Variants in DSEL observed in about 807,000 individuals in gnomAD.
DSEL encodes dermatan-sulfate epimerase-like protein.
A neutral mutation model predicts 96.6 loss-of-function variants in DSEL; 61 were observed. The ratio of observed to expected loss-of-function variants is 0.63; its 90% CI spans 0.51 to 0.78. The LOEUF (loss-of-function observed/expected upper bound fraction) is 0.78. Among genes scored for constraint, DSEL ranks in the 30% least tolerant of loss-of-function variants. The pLI, the probability that DSEL is intolerant of heterozygous loss-of-function variation, is 0.00. For missense variants in DSEL, 1,320 were observed against 1,430.8 expected, an observed-to-expected ratio of 0.92 and a Z score of 1.25; for synonymous variants, 514 against 502.0, an observed-to-expected ratio of 1.02 and a Z score of -0.32.
chr18:67,512,224 A>C lies in DSEL; in HGVS notation c.2385T>G (p.Leu795=), dbSNP rs1374130220. Residue 795 remains leucine (L), a synonymous_variant, in exon 2 of 2, where the codon CTT becomes CTG. Transcript: ENST00000310045. ...VILTFQWRFY[L]SFRKLMRWIL... ...TCCATCGCATTAGTTTTCTAAAAGA[A>C]AGGTAAAAACGCCATTGGAAAGTTA... 1.1e-5 allele frequency: 17 copies of C among 1,614,174 alleles called. No individual in the cohort carries two copies. Among genetic ancestry groups the C allele is most frequent in the Non-Finnish European group, 1.4e-5 (17 of 1,180,034 alleles).
Position 67,511,981 on chromosome 18 carries a change from A to G in DSEL, c.2628T>C (p.Ser876=), listed in dbSNP as rs1222224625. 2.5e-6 allele frequency: 4 copies of G among 1,614,124 alleles called. No individual in the cohort carries two copies. The highest frequency in any genetic ancestry group is 1.6e-4 in the Middle Eastern group (1 of 6,062). Residue 876 remains serine (S), a synonymous_variant, in exon 2 of 2, where the codon AGT becomes AGC. Transcript: ENST00000310045. The part of the protein sequence containing the change: ...EILKQLFFNS[S]DFLYIRVPTA... ...TAGGAACCCTGATGTAGAGAAAATC[A>G]CTACTGTTGAAAAAAAGTTGTTTGA...
At position 67,514,920 on chromosome 18, in the gene DSEL, G is replaced by A; in HGVS notation, c.-312C>T. The A allele has an allele frequency of 2.7e-6, 1 of 376,662 alleles. No individual in the cohort carries two copies. 23.3% of individuals were successfully genotyped at this position (376,662 alleles called of 1,614,324 possible). ...ACAGGTAAAAAACACTATGAATTTA[G>A]CATTTACCTCCTTTACTTAAATCTA... On this transcript the variant is annotated 5_prime_UTR_variant, in exon 2 of 2. Transcript: ENST00000310045.
In DSEL at chr18:67,509,018, G is replaced by C. The variant is rs2144044604; in HGVS notation, c.*1952C>G. Reference sequence around the variant, plus strand: ...CGAAGTGCTGGGATTACAGGCGTGAGCCACTGCACCCGGCCGCCAACAGGT... The same window carrying C: ...CGAAGTGCTGGGATTACAGGCGTGACCCACTGCACCCGGCCGCCAACAGGT... On this transcript the variant is annotated 3_prime_UTR_variant, in exon 2 of 2. Transcript: ENST00000310045. 1 of 152,484 alleles carries C rather than the reference G, an allele frequency of 6.6e-6. No individual in the cohort carries two copies. The highest frequency in any genetic ancestry group is 2.1e-4 in the South Asian group (1 of 4,818). The allele number at this position is 152,484 out of a possible 1,614,324, so 9.4% of individuals were successfully genotyped here. A position where few individuals can be genotyped will look rare whatever the true frequency, so the allele number is the denominator to read the frequency against.
Position 67,507,760 on chromosome 18 carries a change from A to G in DSEL, c.*3210T>C, listed in dbSNP as rs1039833849. 1 of 152,212 alleles carries G rather than the reference A, an allele frequency of 6.6e-6. No homozygotes were observed. Among genetic ancestry groups the G allele is most frequent in the African/African-American group, 2.4e-5 (1 of 41,470 alleles). The allele number at this position is 152,212 out of a possible 1,614,324, so 9.4% of individuals were successfully genotyped here. A position where few individuals can be genotyped will look rare whatever the true frequency, so the allele number is the denominator to read the frequency against. Reference sequence around the variant, plus strand: ...TATGTAAAAGGACAATCAAATGTCTAATATTTTGGTGTCCACACCTAAACG... The same window carrying G: ...TATGTAAAAGGACAATCAAATGTCTGATATTTTGGTGTCCACACCTAAACG... On this transcript the variant is annotated 3_prime_UTR_variant, in exon 2 of 2. Coordinates refer to ENST00000310045, the MANE Select transcript of DSEL (RefSeq NM_032160.3).
chr18:67,513,750 C>T lies in DSEL; in HGVS notation c.859G>A (p.Val287Ile), dbSNP rs150905757. Residue 287 changes from valine (V) to isoleucine (I), a missense_variant, in exon 2 of 2, where the codon GTC (valine) becomes ATC (isoleucine). Around this residue, in one of 3 missense-constraint regions of DSEL, gnomAD observed 11 missense variants for 31.2 expected, o/e 0.35. Coordinates refer to ENST00000310045, the MANE Select transcript of DSEL (RefSeq NM_032160.3). ...TGGGCCAGAAAAACATACTGTGTGA[C>T]GGATTTAGCTGTGTAGCTTCCATAG... ...VAYGSYTAKSVTQYVFLAQRH... is the reference protein window; with the variant it reads ...VAYGSYTAKSITQYVFLAQRH... The T allele has an allele frequency of 1.4e-3, 2,195 of 1,614,172 alleles. 3 individuals are homozygous for T. Among genetic ancestry groups the T allele is most frequent in the Non-Finnish European group, 1.8e-3 (2,081 of 1,180,046 alleles).
chr18:67,515,617 T>C (rs775468364), intron 1 of DSEL, 125 bp from the exon 2 acceptor site: 3 of 153,110 alleles, frequency 2.0e-5, no homozygotes, highest in Non-Finnish European at 4.4e-5. Flanking sequence ...TAAAATCTCA[T>C]ATTATCTGCA....
At position 67,511,945 on chromosome 18, in the gene DSEL, A is replaced by C; in HGVS notation, c.2664T>G (p.Ile888Met). ...TTTCCAACTCAGTTTCAGGAATATC[A>C]ATGTAGGCTGTAGGAACCCTGATGT... The part of the protein sequence containing the change: ...FLYIRVPTAY[I>M]DIPETELEID... The change falls in exon 2 of 2, where the codon ATT becomes ATG. Residue 888 changes from isoleucine to methionine, a missense_variant. Physicochemically the swap from Ile to Met is conservative, Grantham distance 10 (BLOSUM62 1). Around this residue, in one of 3 missense-constraint regions of DSEL, gnomAD observed 986 missense variants for 1,066.4 expected, o/e 0.92. Coordinates refer to ENST00000310045, the MANE Select transcript of DSEL (RefSeq NM_032160.3). 1 of 1,614,200 alleles carries C rather than the reference A, an allele frequency of 6.2e-7. No homozygotes were observed. Among genetic ancestry groups the C allele is most frequent in the Non-Finnish European group, 8.5e-7 (1 of 1,180,028 alleles).
rs763070443 is a variant in DSEL at position 67,512,684 on chromosome 18, T to C, written c.1925A>G (p.Asn642Ser). The part of the protein sequence containing the change: ...YKMFWFDHHG[N>S]SPMASIQEAE... Reference sequence around the variant, plus strand: ...TTCCTGTATACTGGCCATGGGACTATTGCCATGATGATCAAACCAAAACAT... The same window carrying C: ...TTCCTGTATACTGGCCATGGGACTACTGCCATGATGATCAAACCAAAACAT... Residue 642 changes from asparagine (N) to serine (S), a missense_variant, in exon 2 of 2, where the codon AAT becomes AGT. Transcript: ENST00000310045. 3.5e-5 allele frequency: 56 copies of C among 1,614,074 alleles called. No homozygotes were observed. The highest frequency in any genetic ancestry group is 1.2e-4 in the South Asian group (11 of 91,084).
In DSEL at chr18:67,514,342, A is replaced by T; in HGVS notation, c.267T>A (p.Ala89=). 1 of 1,614,246 alleles carries T rather than the reference A, an allele frequency of 6.2e-7. No homozygotes were observed. The highest frequency in any genetic ancestry group is 8.5e-7 in the Non-Finnish European group (1 of 1,180,038). The change falls in exon 2 of 2, where the codon GCT becomes GCA. Residue 89 remains alanine (A), a synonymous_variant. Coordinates refer to ENST00000310045, the MANE Select transcript of DSEL (RefSeq NM_032160.3). ...SRASHLHLFR[A]IRSAVTVMLS... is the part of the protein sequence containing the mutation. Reference sequence around the variant, plus strand: ...GCATAACTGTCACTGCACTTCTGATAGCTCTAAAAAGATGCAAATGGCTTG... The same window carrying T: ...GCATAACTGTCACTGCACTTCTGATTGCTCTAAAAAGATGCAAATGGCTTG...
rs2089441900 is a variant in DSEL, at chr18:67,511,476, T to A, written c.3133A>T (p.Lys1045Ter). 1 of 1,611,286 alleles carries A rather than the reference T, an allele frequency of 6.2e-7. No individual in the cohort carries two copies. Among genetic ancestry groups the A allele is most frequent in the Non-Finnish European group, 8.5e-7 (1 of 1,180,016 alleles). The change falls in exon 2 of 2, where the codon AAA becomes TAA. Residue 1045 changes from lysine to a stop codon, truncating the protein, a stop_gained. Coordinates refer to ENST00000310045, the MANE Select transcript of DSEL (RefSeq NM_032160.3). LOFTEE classifies it high-confidence loss of function. ...TTCTTCAAAGAATAAAGACTTGGTT[T>A]ACTATTGTACAACATTGAATAAATC... ...AWIYSMLYNS[K>*]PSLYSLKNVP...
rs961764690 is a variant in DSEL at position 67,516,601 on chromosome 18, G to T, written c.-1125C>A. On this transcript the variant is annotated 5_prime_UTR_variant, in exon 1 of 2. Coordinates refer to ENST00000310045, the MANE Select transcript of DSEL (RefSeq NM_032160.3). The surrounding 1 kb of genome is among the most constrained non-coding windows in gnomAD (Gnocchi z 5.6). ...CCTCAGGAAACGCCGGACGCTTGTG[G>T]GGGCAACCACGGACCGCAGGACAGA... 2 of 152,286 alleles carry T rather than the reference G, an allele frequency of 1.3e-5. No homozygotes were observed. The highest frequency in any genetic ancestry group is 4.8e-5 in the African/African-American group (2 of 41,420). The allele number at this position is 152,286 out of a possible 1,614,324, so 9.4% of individuals were successfully genotyped here. A position where few individuals can be genotyped will look rare whatever the true frequency, so the allele number is the denominator to read the frequency against.
Position 67,512,849 on chromosome 18 carries a change from A to G in DSEL, c.1760T>C (p.Ile587Thr). 2 of 1,614,118 alleles carry G rather than the reference A, an allele frequency of 1.2e-6. No individual in the cohort carries two copies. Among genetic ancestry groups the G allele is most frequent in the Non-Finnish European group, 1.7e-6 (2 of 1,180,032 alleles). The change falls in exon 2 of 2, where the codon ATT becomes ACT. Residue 587 changes from isoleucine (I) to threonine (T), a missense_variant. Physicochemically the swap from Ile to Thr is moderately conservative, Grantham distance 89 (BLOSUM62 -1). Coordinates refer to ENST00000310045, the MANE Select transcript of DSEL (RefSeq NM_032160.3). ...TATTGGGGAATCTTCTTGCCTCTCA[A>G]TATGATCAACAACTAGCAGAGTTTG... ...NSQTLLVVDH[I>T]ERQEDSPINS...
At position 67,513,255 on chromosome 18, in the gene DSEL, G is replaced by T; in HGVS notation, c.1354C>A (p.Gln452Lys). Residue 452 changes from glutamine to lysine, a missense_variant, in exon 2 of 2, where the codon CAG becomes AAG. Physicochemically the swap from Gln to Lys is moderately conservative, Grantham distance 53. This residue lies in a region of DSEL where 986 missense variants were observed against 1,066.4 expected (regional missense o/e 0.92). Transcript: ENST00000310045. ...CACCCATCAATCCAGGAATATGGCT[G>T]AAAATGAACTATGTCATACACAGCT... is the stretch of plus-strand genomic sequence containing the variant. ...GRAVYDIVHF[Q>K]PYSWIDGWRS... 1 of 1,614,178 alleles carries T rather than the reference G, an allele frequency of 6.2e-7. No individual in the cohort carries two copies. The highest frequency in any genetic ancestry group is 8.5e-7 in the Non-Finnish European group (1 of 1,180,032).
At position 67,514,900 on chromosome 18, in the gene DSEL, TA is replaced by T. The variant is rs1171897563; in HGVS notation, c.-293del. 2.4e-6 allele frequency: 1 copy of T among 412,008 alleles called. No individual in the cohort carries two copies. The highest frequency in any genetic ancestry group is 4.4e-6 in the Non-Finnish European group (1 of 224,740). The allele number at this position is 412,008 out of a possible 1,614,324, so 25.5% of individuals were successfully genotyped here. Reference sequence around the variant, plus strand: ...ATAATACACAGGGAAGTGATACAGGTAAAAAACACTATGAATTTAGCATTTA... The same window carrying T: ...ATAATACACAGGGAAGTGATACAGGTAAAAACACTATGAATTTAGCATTTA... On this transcript the variant is annotated 5_prime_UTR_variant, in exon 2 of 2. Transcript: ENST00000310045.
rs745481362 is a variant in DSEL at position 67,513,917 on chromosome 18, GC to G, written c.691del (p.Ala231HisfsTer8). Reference sequence around the variant, plus strand: ...AGTCACCAAGGCCCCTGTGAGTAATGCTATCATATTAGTGGCTTGGTGGTTA... The same window carrying G: ...AGTCACCAAGGCCCCTGTGAGTAATGTATCATATTAGTGGCTTGGTGGTTA... ...LHNHQATNMI[A>X]LLTGALVTGV... On this transcript the variant is annotated frameshift_variant, in exon 2 of 2. Coordinates refer to ENST00000310045, the MANE Select transcript of DSEL (RefSeq NM_032160.3). LOFTEE classifies it high-confidence loss of function. The G allele has an allele frequency of 1.3e-5, 21 of 1,614,042 alleles. No individual in the cohort carries two copies. Among genetic ancestry groups the G allele is most frequent in the Non-Finnish European group, 1.8e-5 (21 of 1,180,026 alleles).
chr18:67,512,400 C>T lies in DSEL; in HGVS notation c.2209G>A (p.Ala737Thr). The T allele has an allele frequency of 6.2e-7, 1 of 1,614,168 alleles. No individual in the cohort carries two copies. Among genetic ancestry groups the T allele is most frequent in the Non-Finnish European group, 8.5e-7 (1 of 1,180,032 alleles). ...ATTTGGCCTTGATCAGCCACACTGGCAAAGCCACCGAATCCCAGATAATTG... is the reference window on the plus strand; with the variant it reads ...ATTTGGCCTTGATCAGCCACACTGGTAAAGCCACCGAATCCCAGATAATTG... ...RFNYLGFGGF[A>T]SVADQGQITR... The change falls in exon 2 of 2, where the codon GCC becomes ACC. Residue 737 changes from alanine to threonine, a missense_variant. Ala to Thr is a moderately conservative substitution (Grantham distance 58). Coordinates refer to ENST00000310045, the MANE Select transcript of DSEL (RefSeq NM_032160.3).
rs1349008611 is a variant in DSEL, at chr18:67,515,217, A to T, written c.-609T>A. 6.0e-6 allele frequency: 1 copy of T among 167,042 alleles called. No individual in the cohort carries two copies. The highest frequency in any genetic ancestry group is 2.4e-5 in the African/African-American group (1 of 41,458). The allele number at this position is 167,042 out of a possible 1,614,324, so 10.3% of individuals were successfully genotyped here. On this transcript the variant is annotated 5_prime_UTR_variant, in exon 2 of 2. Transcript: ENST00000310045. ...TTTATGAGAGAGAAACATCCTCAAC[A>T]AGTGATCAAAGTCTTAGTTGGTTTT...
rs754271088 is a variant in DSEL, at chr18:67,511,346, A to G, written c.3263T>C (p.Leu1088Ser). Residue 1088 changes from leucine to serine, a missense_variant, in exon 2 of 2, where the codon TTA becomes TCA. Coordinates refer to ENST00000310045, the MANE Select transcript of DSEL (RefSeq NM_032160.3). ...CACTGCATTTGATTTGGATTTTGAT[A>G]ATTCTTTCCTCAATGGTTCATACTC... ...AFEYEPLRKE[L>S]SKSKSNAVSL... The G allele has an allele frequency of 1.9e-6, 3 of 1,604,742 alleles. No individual in the cohort carries two copies. Among genetic ancestry groups the G allele is most frequent in the Non-Finnish European group, 2.5e-6 (3 of 1,179,978 alleles).
rs768387239 is a variant in DSEL at position 67,512,525 on chromosome 18, A to G, written c.2084T>C (p.Ile695Thr). ...CTGAAGTCCAGGATTGGAACTATCA[A>G]TAAATCTGCAGCTGGAGACATTGAT... ...PYINVSSCRFIDSSNPGLQIS... is the reference protein window; with the variant it reads ...PYINVSSCRFTDSSNPGLQIS... Residue 695 changes from isoleucine (I) to threonine (T), a missense_variant, in exon 2 of 2, where the codon ATT becomes ACT. Physicochemically the swap from Ile to Thr is moderately conservative, Grantham distance 89. Coordinates refer to ENST00000310045, the MANE Select transcript of DSEL (RefSeq NM_032160.3). The G allele has an allele frequency of 1.2e-6, 2 of 1,614,166 alleles. No individual in the cohort carries two copies. Among genetic ancestry groups the G allele is most frequent in the South Asian group, 2.2e-5 (2 of 91,086 alleles).
Sources: gnomAD v4.1 joint callset for allele counts on GRCh38, gnomAD v4.1.1 for gene constraint, gnomAD v4.1.1 regional missense constraint, Gnocchi (gnomAD v3.1) non-coding constraint, MANE v1.5 for transcripts, NCBI Gene and HGNC (gene_info 2026-07-23, HGNC 2026-07-21) for gene names.